Variants in COPA observed in about 807,000 individuals in gnomAD.
COPA encodes the protein coat protein complex I subunit alpha.
In COPA, 10 loss-of-function variants were observed where a neutral mutation model predicts 158.7. The ratio of observed to expected loss-of-function variants is 0.06; its 90% confidence interval spans 0.04 to 0.11. The LOEUF is 0.11. Among genes scored for constraint, COPA ranks in the 10% least tolerant of loss-of-function variants. The probability of loss-of-function intolerance (pLI) is 1.00; values close to 1 mark genes in which losing one functional copy is unlikely to be tolerated. For synonymous variants in COPA, 462 were observed against 542.8 expected, an observed-to-expected ratio of 0.85 and a Z score of 2.07; for missense variants, 1,065 against 1,536.7, an observed-to-expected ratio of 0.69 and a Z score of 5.13.
rs752416801 is a variant in COPA at position 160,325,620 on chromosome 1, C to A, written c.529G>T (p.Val177Leu). 6 of 1,614,062 alleles carry A rather than the reference C, an allele frequency of 3.7e-6. No individual in the cohort carries two copies. In the Admixed American group the frequency reaches 8.3e-5, roughly 22 times the overall value. Residue 177 changes from valine to leucine, a missense_variant, in exon 7 of 33, where the codon GTG becomes TTG. Around this residue, in one of 2 missense-constraint regions of COPA, gnomAD observed 980 missense variants for 1,357.8 expected, o/e 0.72. Transcript: ENST00000241704. ...GTTATTCCTCTCACATCCGATTCCACCGCACCAGGGGACAGGTTTTTTTTC... is the reference window on the plus strand; with the variant it reads ...GTTATTCCTCTCACATCCGATTCCAACGCACCAGGGGACAGGTTTTTTTTC... ...LRKKNLSPGA[V>L]ESDVRGITGV...
At chr1:160,324,326 T>C (rs1197091782) in intron 7 of COPA, among the ~76,000 whole-genome samples, 4 of 148,108 alleles carry the variant, frequency 2.7e-5, no homozygotes, top group Non-Finnish European at 5.9e-5. Context: ...GGTCTTGCTG[T>C]GTCATCCAGG....
intron 21 of COPA, 104 bp from the exon 22 acceptor site, chr1:160,296,253 T>TGCAAAGCGC: frequency 2.2e-6 from 2 of 909,638 alleles, no homozygotes; most frequent in Non-Finnish European, 3.5e-6. Flanking sequence ...ACTCCTGGTA[T>TGCAAAGCGC]TCAAGTTGTT....
At chr1:160,311,783 GAAAGA>G (rs1658975751) in intron 11 of COPA, 80 bp downstream of exon 11, 3 of 1,227,340 alleles carry the variant, frequency 2.4e-6, no homozygotes, top group Admixed American at 2.9e-5. Context: ...ATAAATGAAA[GAAAGA>G]AAAGAAGAGT....
At chr1:160,331,978 A>G (rs1339655934) in intron 6 of COPA, among the ~76,000 whole-genome samples, 1 of 152,098 alleles carries the variant, frequency 6.6e-6, no homozygotes, top group African/African-American at 2.4e-5. Flanking sequence ...CTGGACATAA[A>G]AGTCACCAAC....
chr1:160,319,874 G>A (rs1351469459), intron 8 of COPA, among the ~76,000 whole-genome samples: 1 of 124,546 alleles, frequency 8.0e-6, no homozygotes, highest in African/African-American at 3.1e-5. Flanking sequence ...TATGACAAAA[G>A]CAGTACTAAG....
chr1:160,303,517 A>C (rs1658684167), intron 17 of COPA, among the ~76,000 whole-genome samples: 1 of 152,230 alleles, frequency 6.6e-6, no homozygotes, highest in South Asian at 2.1e-4. Context: ...TATACCTCAC[A>C]CCATACATAA....
At chr1:160,297,507 C>T in intron 20 of COPA, 49 bp downstream of exon 20, 2 of 1,612,352 alleles carry the variant, frequency 1.2e-6, no homozygotes, top group Non-Finnish European at 1.7e-6. Flanking sequence ...ATTCACCTTC[C>T]TCCTTCCCCC....
intron 8 of COPA, among the ~76,000 whole-genome samples, chr1:160,322,981 G>A (rs1012253801): frequency 5.6e-5 from 8 of 143,748 alleles, no homozygotes; most frequent in African/African-American, 1.1e-4. Context: ...AATTACATAC[G>A]CGCACGTGCA....
chr1:160,310,264 G>T lies in COPA; in HGVS notation c.1077-6C>A, dbSNP rs757300986. On this transcript the variant is annotated splice_region_variant and splice_polypyrimidine_tract_variant and intron_variant, in intron 11 of 32. Transcript: ENST00000241704. ...ATACTGGAAACTTGGAACCACTAGA[G>T]ATATATATAGAAAAAGGAGAAAACA... 6.4e-7 allele frequency: 1 copy of T among 1,568,292 alleles called. No homozygotes were observed. Among genetic ancestry groups the T allele is most frequent in the South Asian group, 1.2e-5 (1 of 85,918 alleles).
At chr1:160,342,935 G>T (rs1648158992) in intron 1 of COPA, among the ~76,000 whole-genome samples, 196 bp downstream of exon 1, 1 of 152,124 alleles carries the variant, frequency 6.6e-6, no homozygotes, top group Non-Finnish European at 1.5e-5. Context: ...TAGGTAAATC[G>T]AAGCCCAAGG....
In COPA at chr1:160,335,301, G is replaced by C; in HGVS notation, c.250C>G (p.Arg84Gly). ...KIKVWNYKLRRCLFTLLGHLD... is the reference protein window; with the variant it reads ...KIKVWNYKLRGCLFTLLGHLD... The stretch of plus-strand genomic sequence containing the variant: ...TGCCCAAGCAATGTGAAAAGACAGC[G>C]CCGAAGCTTGTAATTCCAAACCTGC... The change falls in exon 4 of 33, where the codon CGC becomes GGC. Residue 84 changes from arginine (R) to glycine (G), a missense_variant. Around this residue, in one of 2 missense-constraint regions of COPA, gnomAD observed 85 missense variants for 178.9 expected, o/e 0.48. Coordinates refer to ENST00000241704, the MANE Select transcript of COPA (RefSeq NM_004371.4). 6.2e-7 allele frequency: 1 copy of C among 1,611,284 alleles called. No individual in the cohort carries two copies. The highest frequency in any genetic ancestry group is 8.5e-7 in the Non-Finnish European group (1 of 1,178,756).
chr1:160,293,468 G>A lies in COPA; in HGVS notation c.2677-5C>T, dbSNP rs1658307780. The A allele has an allele frequency of 6.4e-7, 1 of 1,571,608 alleles. No homozygotes were observed. Among genetic ancestry groups the A allele is most frequent in the African/African-American group, 1.4e-5 (1 of 72,018 alleles). On this transcript the variant is annotated splice_polypyrimidine_tract_variant and splice_region_variant and intron_variant, in intron 25 of 32. Transcript: ENST00000241704. ...AGCTGCCCCAGGGGATATATCCTAG[G>A]GGAAAAACAAAAATTGAGTATTGAG...
chr1:160,306,870 C>T (rs899692425), intron 14 of COPA, among the ~76,000 whole-genome samples: 1 of 152,188 alleles, frequency 6.6e-6, no homozygotes, highest in Non-Finnish European at 1.5e-5. Context: ...GGGAAATTTC[C>T]TCATCCAGCC....
chr1:160,322,628 T>C (rs1450071124), intron 8 of COPA, among the ~76,000 whole-genome samples: 1 of 151,684 alleles, frequency 6.6e-6, no homozygotes, highest in African/African-American at 2.4e-5. Context: ...GCGAATCAAA[T>C]CCACAATGAG....
At chr1:160,320,608 CAAAAAAAA>C (rs56849348) in intron 8 of COPA, among the ~76,000 whole-genome samples, 7 of 15,500 alleles carry the variant, frequency 4.5e-4, no homozygotes, top group South Asian at 7.7e-3. Context: ...GACTCCAACT[CAAAAAAAA>C]AAAAAAAAAA....
rs187556420 is a variant in COPA at position 160,343,225 on chromosome 1, C to A, written c.-55G>T. On this transcript the variant is annotated 5_prime_UTR_variant, in exon 1 of 33. Transcript: ENST00000241704. ...TCCGAGCCCCGACACACCCTGCTGCCCTTCGGACGCCTCCACGTCAGCGAC... is the reference window on the plus strand; with the variant it reads ...TCCGAGCCCCGACACACCCTGCTGCACTTCGGACGCCTCCACGTCAGCGAC... 1.1e-5 allele frequency: 17 copies of A among 1,609,258 alleles called. No homozygotes were observed. In the African/African-American group the frequency reaches 1.7e-4, roughly 16 times the overall value.
At position 160,294,778 on chromosome 1, in the gene COPA, C is replaced by T. The variant is rs1658345672; in HGVS notation, c.2556G>A (p.Gln852=). The T allele has an allele frequency of 1.2e-6, 2 of 1,614,064 alleles. No homozygotes were observed. The highest frequency in any genetic ancestry group is 1.7e-6 in the Non-Finnish European group (2 of 1,180,028). ...TEGWGEDAEL[Q]LDEDGFVEAT... is the part of the protein sequence containing the mutation. ...AAACAGCACTTTTACCTTCATCCAACTGCAGCTCTGCATCCTCTCCCCAGC... is the reference window on the plus strand; with the variant it reads ...AAACAGCACTTTTACCTTCATCCAATTGCAGCTCTGCATCCTCTCCCCAGC... The change falls in exon 24 of 33, where the codon CAG becomes CAA. Residue 852 remains glutamine, a synonymous_variant. Transcript: ENST00000241704.
At chr1:160,302,549 CTTTTTT>C (rs35112618) in intron 17 of COPA, among the ~76,000 whole-genome samples, 3 of 91,662 alleles carry the variant, frequency 3.3e-5, no homozygotes, top group Admixed American at 1.3e-4. Flanking sequence ...TCACAAGTTA[CTTTTTT>C]TTTTTTTTTT....
chr1:160,340,851 T>C (rs1417072653), intron 1 of COPA, among the ~76,000 whole-genome samples: 1 of 152,174 alleles, frequency 6.6e-6, no homozygotes, highest in East Asian at 1.9e-4. Flanking sequence ...TAGTGCTCTC[T>C]CTCTGCAGCC....
Sources: gnomAD v4.1 joint callset for allele counts (sites outside exome capture counted in the v4.1 genomes callset) on GRCh38, gnomAD v4.1.1 for gene constraint, gnomAD v4.1.1 regional missense constraint, MANE v1.5 for transcripts, NCBI Gene and HGNC (gene_info 2026-07-23, HGNC 2026-07-21) for gene names.